RYR2: variants seen among roughly 807,000 people sequenced by gnomAD.
RYR2 encodes the protein ryanodine receptor 2, also known as cardiac muscle ryanodine receptor-calcium release channel.
Under a neutral mutation model 601.1 loss-of-function variants are expected in RYR2, and 227 were observed. The ratio of observed to expected loss-of-function variants is 0.38; its 90% confidence interval spans 0.34 to 0.42. RYR2 has a LOEUF of 0.42. Among genes scored for constraint, RYR2 ranks in the 10% least tolerant of loss-of-function variants. RYR2 has a pLI of 1.00. For synonymous variants in RYR2, 2,223 were observed against 2,175.1 expected, an observed-to-expected ratio of 1.02 and a Z score of -0.61; for missense variants, 4,646 against 6,156.5, an observed-to-expected ratio of 0.75 and a Z score of 8.21.
At chr1:237,199,404 A>G (rs748397340) in intron 1 of RYR2, among the ~76,000 whole-genome samples, 1 of 152,206 alleles carries the variant, frequency 6.6e-6, no homozygotes, top group Non-Finnish European at 1.5e-5. Context: ...TAAATCCAAG[A>G]GTCCCAAAGC....
intron 29 of RYR2, among the ~76,000 whole-genome samples, chr1:237,569,651 T>G (rs1672458263): frequency 6.6e-6 from 1 of 152,204 alleles, no homozygotes; most frequent in South Asian, 2.1e-4. Flanking sequence ...GCCTAGAGCC[T>G]CTTTCTGTTT....
Position 237,491,931 on chromosome 1 carries a change from G to A in RYR2, c.1827+7G>A. On this transcript the variant is annotated splice_region_variant and intron_variant, in intron 18 of 104. Transcript: ENST00000366574. The stretch of plus-strand genomic sequence containing the variant: ...ACATGGAAGAAATCACAAGGTAAAT[G>A]AACTATTTTATTTCCCTGAATGAAT... 1 of 1,100,768 alleles carries A rather than the reference G, an allele frequency of 9.1e-7. No individual in the cohort carries two copies. Among genetic ancestry groups the A allele is most frequent in the Non-Finnish European group, 1.3e-6 (1 of 746,676 alleles). 68.2% of individuals were successfully genotyped at this position (1,100,768 alleles called of 1,614,324 possible).
intron 60 of RYR2, among the ~76,000 whole-genome samples, chr1:237,676,957 A>G (rs1685453612): frequency 6.6e-6 from 1 of 152,132 alleles, no homozygotes; most frequent in Non-Finnish European, 1.5e-5. Flanking sequence ...GAATCCAGCC[A>G]TTTTGCATAA....
At chr1:237,229,951 C>T (rs1274157436) in intron 1 of RYR2, among the ~76,000 whole-genome samples, 4 of 152,046 alleles carry the variant, frequency 2.6e-5, no homozygotes, top group Non-Finnish European at 4.4e-5. Flanking sequence ...TCATATATAA[C>T]GTTAGGCTAA....
At chr1:237,623,391 T>G (rs202076778) in intron 38 of RYR2, among the ~76,000 whole-genome samples, 1 of 12,136 alleles carries the variant, frequency 8.2e-5, no homozygotes, top group Non-Finnish European at 2.8e-4. Flanking sequence ...TTCTTTTTTT[T>G]TTTTTTTTTT....
intron 62 of RYR2, among the ~76,000 whole-genome samples, chr1:237,681,674 A>G (rs1363576434): frequency 2.0e-5 from 3 of 152,174 alleles, no homozygotes; most frequent in Non-Finnish European, 2.9e-5. Flanking sequence ...GAGAGAGGCA[A>G]TGCAGTTACT....
chr1:237,802,159 G>A, intron 98 of RYR2: 1 of 321,202 alleles, frequency 3.1e-6, no homozygotes, highest in South Asian at 1.2e-4. Context: ...AGATTTGTGA[G>A]TACGTTCATT....
intron 1 of RYR2, among the ~76,000 whole-genome samples, chr1:237,087,093 CT>C (rs1370447301): frequency 6.6e-6 from 1 of 152,184 alleles, no homozygotes; most frequent in East Asian, 1.9e-4. Context: ...AGGAGGACCC[CT>C]TTCACAGTAA....
chr1:237,521,311 C>A (rs1463156402), intron 24 of RYR2, among the ~76,000 whole-genome samples: 2 of 152,162 alleles, frequency 1.3e-5, no homozygotes, highest in African/African-American at 4.8e-5. Flanking sequence ...AACAAAAATA[C>A]CAGCAAACAA....
At chr1:237,368,799 G>A (rs1010072945) in intron 5 of RYR2, among the ~76,000 whole-genome samples, 4 of 129,156 alleles carry the variant, frequency 3.1e-5, no homozygotes, top group Non-Finnish European at 5.2e-5. Flanking sequence ...TTGAATCAAC[G>A]TTTATTTATT....
Position 237,330,964 on chromosome 1 carries a change from C to G in RYR2, c.255C>G (p.Thr85=). ...CGCTGCAGGAGATGCTGGCTAACAC[C>G]GTGGAGAAATCAGAAGGGGCAAGTA... is the stretch of plus-strand genomic sequence containing the variant. ...VRALQEMLAN[T]VEKSEGQVDV... The change falls in exon 3 of 105, where the codon ACC becomes ACG. Residue 85 remains threonine (T), a synonymous_variant. Coordinates refer to ENST00000366574, the MANE Select transcript of RYR2 (RefSeq NM_001035.3). 1 of 1,613,882 alleles carries G rather than the reference C, an allele frequency of 6.2e-7. No individual in the cohort carries two copies. The highest frequency in any genetic ancestry group is 8.5e-7 in the Non-Finnish European group (1 of 1,179,806).
At chr1:237,245,167 T>C (rs913030899) in intron 1 of RYR2, among the ~76,000 whole-genome samples, 2 of 151,580 alleles carry the variant, frequency 1.3e-5, no homozygotes, top group Admixed American at 6.6e-5. Flanking sequence ...CAGTGAACTA[T>C]GATAGTGTCA....
intron 1 of RYR2, among the ~76,000 whole-genome samples, chr1:237,088,977 C>T (rs928099813): frequency 3.9e-5 from 6 of 152,118 alleles, no homozygotes; most frequent in East Asian, 1.9e-4. Context: ...TTTCTATTCC[C>T]GAATAACAAA....
intron 101 of RYR2, among the ~76,000 whole-genome samples, chr1:237,828,078 C>T (rs544197892): frequency 7.9e-5 from 12 of 151,088 alleles, no homozygotes; most frequent in East Asian, 7.8e-4. Context: ...TGCTCTTTTT[C>T]GGCATGAAGT....
chr1:237,159,617 G>A (rs886373533), intron 1 of RYR2, among the ~76,000 whole-genome samples: 2 of 152,124 alleles, frequency 1.3e-5, no homozygotes, highest in African/African-American at 4.8e-5. Flanking sequence ...GATTGCTTGA[G>A]CTCAGGAATT....
intron 12 of RYR2, among the ~76,000 whole-genome samples, chr1:237,434,691 A>G (rs995515414): frequency 6.6e-6 from 1 of 152,200 alleles, no homozygotes; most frequent in African/African-American, 2.4e-5. Flanking sequence ...AATGAATAGA[A>G]GTCTTTTGCT....
intron 2 of RYR2, among the ~76,000 whole-genome samples, chr1:237,278,328 C>G (rs774760966): frequency 6.7e-5 from 9 of 133,688 alleles, no homozygotes; most frequent in Non-Finnish European, 1.4e-4. Flanking sequence ...TGGGCTCAAG[C>G]GATCTTCCTT....
intron 2 of RYR2, among the ~76,000 whole-genome samples, chr1:237,273,588 C>A (rs547915902): frequency 6.6e-6 from 1 of 152,158 alleles, no homozygotes; most frequent in African/African-American, 2.4e-5. Context: ...TGTCCTCTGA[C>A]AAGGTTAAGT....
In RYR2 at chr1:237,625,762, A is replaced by C. The variant is rs755505775; in HGVS notation, c.6124A>C (p.Lys2042Gln). The change falls in exon 40 of 105, where the codon AAG becomes CAG. Residue 2042 changes from lysine (K) to glutamine (Q), a missense_variant. Transcript: ENST00000366574. ...LVEKVTYLKKKQAEKPVESDS... is the reference protein window; with the variant it reads ...LVEKVTYLKKQQAEKPVESDS... ...AGAAAAGGTGACATATCTGAAGAAGAAGCAAGCAGAAAAACCAGTTGAGAG... is the reference window on the plus strand; with the variant it reads ...AGAAAAGGTGACATATCTGAAGAAGCAGCAAGCAGAAAAACCAGTTGAGAG... 5 of 1,613,712 alleles carry C rather than the reference A, an allele frequency of 3.1e-6. No individual in the cohort carries two copies. Among genetic ancestry groups the C allele is most frequent in the Middle Eastern group, 1.6e-4 (1 of 6,084 alleles).
Sources: gnomAD v4.1 joint callset for allele counts (sites outside exome capture counted in the v4.1 genomes callset) on GRCh38, gnomAD v4.1.1 for gene constraint, MANE v1.5 for transcripts, NCBI Gene and HGNC (gene_info 2026-07-23, HGNC 2026-07-21) for gene names.